The following TRIM14 variants were observed in gnomAD, a reference collection of about 807,000 sequenced individuals.
The protein encoded by TRIM14 is tripartite motif-containing protein 14.
TRIM14 carries 28 observed loss-of-function variants against 44.5 expected under a neutral mutation model. The ratio of observed to expected loss-of-function variants is 0.63; its 90% CI spans 0.47 to 0.86. The LOEUF is 0.86. TRIM14 is among the 40% of genes least tolerant of loss of function. The probability of loss-of-function intolerance (pLI) is 0.00; values close to 1 mark genes in which losing one functional copy is unlikely to be tolerated. For missense variants in TRIM14, 607 were observed against 611.1 expected, an observed-to-expected ratio of 0.99 and a Z score of 0.07; for synonymous variants, 299 against 269.2, an observed-to-expected ratio of 1.11 and a Z score of -1.08.
At chr9:98,039,437 A>G in the TRIM14 span, among the ~76,000 whole-genome samples, 1 of 152,196 alleles carries the variant, frequency 6.6e-6, no homozygotes, top group African/African-American at 2.4e-5. Flanking sequence ...ATTAGTTTAT[A>G]GTTTAAACAA....
rs1199210941 is a variant in TRIM14, at chr9:98,086,079, C to T, written c.*1391G>A. 6.6e-6 allele frequency: 1 copy of T among 152,254 alleles called. No homozygotes were observed. Among genetic ancestry groups the T allele is most frequent in the Admixed American group, 6.5e-5 (1 of 15,286 alleles). The allele number at this position is 152,254 out of a possible 1,614,324, so 9.4% of individuals were successfully genotyped here. On this transcript the variant is annotated 3_prime_UTR_variant, in exon 6 of 6. Transcript: ENST00000341469. Reference sequence around the variant, plus strand: ...TGTCACTTCATTCCAGACAGCTGGGCACTCTGGGTTTCCTTGGCAACATCT... The same window carrying T: ...TGTCACTTCATTCCAGACAGCTGGGTACTCTGGGTTTCCTTGGCAACATCT...
chr9:98,112,797 C>CAAAAAAAAAA (rs34150823), intron 1 of TRIM14, among the ~76,000 whole-genome samples: 1 of 68,402 alleles, frequency 1.5e-5, no homozygotes, highest in Non-Finnish European at 2.7e-5. Flanking sequence ...GACTCAATCT[C>CAAAAAAAAAA]AAAAAAAAAA....
At chr9:98,036,765 T>C in the TRIM14 span, among the ~76,000 whole-genome samples, 13 of 152,074 alleles carry the variant, frequency 8.5e-5, no homozygotes, top group Non-Finnish European at 1.8e-4. Context: ...GATCGCACCA[T>C]TGCATTCCAG....
chr9:98,056,130 G>A, the TRIM14 span, among the ~76,000 whole-genome samples: 14 of 152,268 alleles, frequency 9.2e-5, no homozygotes, highest in African/African-American at 3.1e-4. Context: ...GGACAAGCCA[G>A]TGCAACTTCT....
At chr9:98,105,444 T>C (rs551007648) in intron 2 of TRIM14, among the ~76,000 whole-genome samples, 2 of 152,132 alleles carry the variant, frequency 1.3e-5, no homozygotes, top group Admixed American at 6.5e-5. Context: ...CCAGGCACGG[T>C]AGTGGGCACC....
At chr9:98,075,886 A>C (rs897791521) in intron 6 of TRIM14, 1 of 152,198 alleles carries the variant, frequency 6.6e-6, no homozygotes, top group African/African-American at 2.4e-5. Context: ...TTGAGTTCTT[A>C]TAATTTGACA....
intron 2 of TRIM14, among the ~76,000 whole-genome samples, chr9:98,104,153 G>C (rs1248694084): frequency 6.6e-6 from 1 of 152,184 alleles, no homozygotes; most frequent in Non-Finnish European, 1.5e-5. Context: ...GCTAGCCTGG[G>C]AATTAGTCCA....
intron 3 of TRIM14, among the ~76,000 whole-genome samples, chr9:98,097,133 G>T (rs1008270067): frequency 6.6e-6 from 1 of 152,178 alleles, no homozygotes; most frequent in Non-Finnish European, 1.5e-5. Flanking sequence ...GGCAAAGGTT[G>T]CAGTAAGCTG....
the TRIM14 span, among the ~76,000 whole-genome samples, chr9:98,043,300 C>T: frequency 1.3e-5 from 2 of 152,190 alleles, no homozygotes; most frequent in South Asian, 2.1e-4. Context: ...GCCTCAGCCT[C>T]CCGAGTAGCT....
At chr9:98,050,778 C>T in the TRIM14 span, among the ~76,000 whole-genome samples, 1 of 151,974 alleles carries the variant, frequency 6.6e-6, no homozygotes, top group African/African-American at 2.4e-5. Context: ...CTCATGGTTG[C>T]ACATTTCTTT....
In TRIM14 at chr9:98,084,730, T is replaced by G. The variant is rs2417728; in HGVS notation, c.*2740A>C. 0.075 allele frequency: 11,371 copies of G among 152,168 alleles called. 528 individuals are homozygous for G. The highest frequency in any genetic ancestry group is 0.13 in the Admixed American group (1,921 of 15,274). 9.4% of individuals were successfully genotyped at this position (152,168 alleles called of 1,614,324 possible). On this transcript the variant is annotated 3_prime_UTR_variant, in exon 6 of 6. Coordinates refer to ENST00000341469, the MANE Select transcript of TRIM14 (RefSeq NM_014788.4). ...CTGTCCCCAGGCTGGAGTGCAGTGG[T>G]GCAATCTCAGCTCACTGCAATCTCC...
intron 1 of TRIM14, among the ~76,000 whole-genome samples, chr9:98,110,898 T>TAAAATAAAATAAAATAAAA (rs397972245): frequency 1.2e-4 from 18 of 151,424 alleles, no homozygotes; most frequent in African/African-American, 4.1e-4. Flanking sequence ...TAAAATAAAA[T>TAAAATAAAATAAAATAAAA]TAGCTGGGCA....
At chr9:98,075,979 T>C (rs186162513) in intron 6 of TRIM14, 5 of 152,174 alleles carry the variant, frequency 3.3e-5, no homozygotes, top group Admixed American at 1.3e-4. Context: ...ATTTCCTGAG[T>C]CTTGTTGATG....
chr9:98,093,378 C>T lies in TRIM14; in HGVS notation c.701-1377G>A, dbSNP rs112699942. On this transcript the variant is annotated intron_variant, in intron 4 of 5. Transcript: ENST00000341469. ...ATACGTGGTGCTTAATATGCCTGAG[C>T]GCTATATGTGTAAGAGCTCATTTAA... 2.5e-3 allele frequency among the ~76,000 whole-genome samples: 374 copies of T among 152,256 alleles called. 2 individuals are homozygous for T. The highest frequency in any genetic ancestry group is 8.6e-3 in the African/African-American group (359 of 41,520).
At chr9:98,082,990 G>A (rs778958907), downstream of TRIM14, 1 of 1,614,180 alleles carries the variant, frequency 6.2e-7, no homozygotes, top group South Asian at 1.1e-5. Flanking sequence ...CCTGGTCACT[G>A]TTGAAGAGGA....
downstream of TRIM14, among the ~76,000 whole-genome samples, chr9:98,068,512 C>T (rs1041381456): frequency 2.6e-5 from 4 of 151,664 alleles, no homozygotes; most frequent in South Asian, 6.2e-4. Context: ...CTGTCAGTAT[C>T]GTTAAAGTAA....
rs530409711 is a variant in TRIM14 at position 98,079,159 on chromosome 9, T to C, written c.*28+8283A>G. Among the ~76,000 whole-genome samples the C allele has an allele frequency of 1.8e-3, 271 of 152,308 alleles. 1 individual carries two copies. Among genetic ancestry groups the C allele is most frequent in the Admixed American group, 4.6e-3 (70 of 15,290 alleles). ...CAGTCCCAAGTCGGGAAGCCTGAGA[T>C]CCCACAGCAGCTTGGTGGCAAAGCT... On this transcript the variant is annotated intron_variant, in intron 6 of 6. Coordinates refer to the TRIM14 transcript ENST00000375098.
intron 6 of TRIM14, chr9:98,075,647 G>A (rs1829558299): frequency 6.6e-6 from 1 of 152,116 alleles, no homozygotes; most frequent in Non-Finnish European, 1.5e-5. Flanking sequence ...ACTTATTTCT[G>A]AGTCACCATT....
In TRIM14 at chr9:98,093,987, A is replaced by G. The variant is rs566137131; in HGVS notation, c.700+880T>C. Reference sequence around the variant, plus strand: ...TCTCAAACTCCTGACCTCATCATCCACCCACCTCGGCCTCCCAAAGTGCTG... The same window carrying G: ...TCTCAAACTCCTGACCTCATCATCCGCCCACCTCGGCCTCCCAAAGTGCTG... On this transcript the variant is annotated intron_variant, in intron 4 of 5. Transcript: ENST00000341469. Among the ~76,000 whole-genome samples the G allele has an allele frequency of 6.8e-3, 1,036 of 151,882 alleles. 8 individuals carry two copies. The highest frequency in any genetic ancestry group is 9.5e-3 in the Non-Finnish European group (645 of 67,938).
Sources: allele counts gnomAD v4.1 joint callset (sites outside exome capture counted in the v4.1 genomes callset), GRCh38; gene constraint gnomAD v4.1.1; transcripts MANE v1.5; gene names NCBI Gene and HGNC (gene_info 2026-07-23, HGNC 2026-07-21).